Variants in UNC13C observed in about 807,000 individuals in gnomAD.
UNC13C encodes unc-13 homolog C, also known as protein unc-13 homolog C.
UNC13C carries 174 observed loss-of-function variants against 245.4 expected under a neutral mutation model. The observed-to-expected ratio is 0.71, with a 90% CI of 0.63 to 0.80. The LOEUF is 0.80. Among genes scored for constraint, UNC13C ranks in the 30% least tolerant of loss-of-function variants. The probability of loss-of-function intolerance (pLI) is 0.00; values close to 1 mark genes in which losing one functional copy is unlikely to be tolerated. For missense variants in UNC13C, 2,829 were observed against 2,602.9 expected, an observed-to-expected ratio of 1.09 and a Z score of -1.89; for synonymous variants, 992 against 895.1, an observed-to-expected ratio of 1.11 and a Z score of -1.93.
At chr15:53,891,388 C>T in the UNC13C span, among the ~76,000 whole-genome samples, 6 of 152,082 alleles carry the variant, frequency 3.9e-5, no homozygotes, top group Non-Finnish European at 7.4e-5. Flanking sequence ...TCCACTTGTT[C>T]CCGAGCTGAG....
intron 13 of UNC13C, among the ~76,000 whole-genome samples, chr15:54,307,530 T>G (rs1567175864): frequency 6.6e-6 from 1 of 151,896 alleles, no homozygotes; most frequent in Non-Finnish European, 1.5e-5. Flanking sequence ...AAAAGATAGC[T>G]CTTGTCTCTA....
intron 2 of UNC13C, among the ~76,000 whole-genome samples, chr15:54,063,789 A>G (rs1566985328): frequency 6.6e-6 from 1 of 152,194 alleles, no homozygotes; most frequent in Non-Finnish European, 1.5e-5. Flanking sequence ...GGAAAATGCT[A>G]ATGGGATATA....
the UNC13C span, among the ~76,000 whole-genome samples, chr15:53,866,010 G>T: frequency 6.6e-6 from 1 of 151,988 alleles, no homozygotes; most frequent in Non-Finnish European, 1.5e-5. Flanking sequence ...AGTCAAGGAA[G>T]ACAGTAGAAT....
the UNC13C span, among the ~76,000 whole-genome samples, chr15:53,877,596 T>G: frequency 6.7e-6 from 1 of 150,208 alleles, no homozygotes; most frequent in Admixed American, 6.6e-5. Context: ...AGAAGGAGAA[T>G]AGGGAGGAGG....
chr15:54,281,778 TA>T (rs1190327041), intron 10 of UNC13C, among the ~76,000 whole-genome samples: 1 of 152,174 alleles, frequency 6.6e-6, no homozygotes, highest in Non-Finnish European at 1.5e-5. Context: ...TTATCACCAT[TA>T]AACAGAAGAC....
chr15:54,103,513 C>A (rs1022650058), intron 2 of UNC13C, among the ~76,000 whole-genome samples: 5 of 152,208 alleles, frequency 3.3e-5, no homozygotes, highest in African/African-American at 1.2e-4. Flanking sequence ...AATAGTATTA[C>A]TTCACTTTTG....
the UNC13C span, among the ~76,000 whole-genome samples, chr15:53,863,820 A>G: frequency 6.6e-6 from 1 of 152,184 alleles, no homozygotes; most frequent in East Asian, 1.9e-4. Context: ...AATTTCCAGC[A>G]TCGACTTCTC....
intron 1 of UNC13C, among the ~76,000 whole-genome samples, 173 bp from the exon 2 acceptor site, chr15:54,012,475 T>A (rs926997527): frequency 2.0e-5 from 3 of 152,232 alleles, no homozygotes; most frequent in Admixed American, 1.3e-4. Context: ...TTGGTAGTGA[T>A]TTGCTTTCAG....
chr15:54,276,769 T>C (rs1197523106), intron 10 of UNC13C, among the ~76,000 whole-genome samples: 5 of 152,084 alleles, frequency 3.3e-5, no homozygotes, highest in Non-Finnish European at 7.4e-5. Flanking sequence ...TTAACATTTT[T>C]CCCCATTAGT....
chr15:53,915,883 A>G, the UNC13C span, among the ~76,000 whole-genome samples: 1 of 152,196 alleles, frequency 6.6e-6, no homozygotes, highest in African/African-American at 2.4e-5. Context: ...ATTAAGGTAC[A>G]TATAGATGCA....
chr15:54,485,330 A>T (rs761509521), intron 19 of UNC13C, among the ~76,000 whole-genome samples: 1 of 152,214 alleles, frequency 6.6e-6, no homozygotes, highest in Non-Finnish European at 1.5e-5. Context: ...AAGGATACAA[A>T]ATTTCAATAA....
At position 54,387,181 on chromosome 15, in the gene UNC13C, C is replaced by A. The variant is rs113003566; in HGVS notation, c.4714-5867C>A. Among the ~76,000 whole-genome samples, 11 of 152,274 alleles carry A rather than the reference C, an allele frequency of 7.2e-5. 3 individuals carry two copies. Among genetic ancestry groups the A allele is most frequent in the African/African-American group, 2.6e-4 (11 of 41,562 alleles). On this transcript the variant is annotated intron_variant, in intron 17 of 32. Transcript: ENST00000260323. Reference sequence around the variant, plus strand: ...AAGCAAAGCAAGTTTATTAGAGCAACAGAGTACAGGAAAATGCCTGCTCCG... The same window carrying A: ...AAGCAAAGCAAGTTTATTAGAGCAAAAGAGTACAGGAAAATGCCTGCTCCG...
intron 17 of UNC13C, among the ~76,000 whole-genome samples, chr15:54,343,934 T>C (rs145847977): frequency 0.013 from 2,038 of 152,286 alleles, 23 homozygotes; most frequent in Non-Finnish European, 0.022. Flanking sequence ...GGATTCTTGC[T>C]GAAGGCAGAC....
rs534855853 is a variant in UNC13C at position 54,287,731 on chromosome 15, G to A, written c.3819-6164G>A. 5.9e-5 allele frequency among the ~76,000 whole-genome samples: 9 copies of A among 152,238 alleles called. No homozygotes were observed. The South Asian group carries it at 8.3e-4, about 14-fold the overall frequency. Reference sequence around the variant, plus strand: ...AATGTCCATCTCTAGTTGCAGGAGAGGTTGGGAAATTGCATAAAACTAAAA... The same window carrying A: ...AATGTCCATCTCTAGTTGCAGGAGAAGTTGGGAAATTGCATAAAACTAAAA... On this transcript the variant is annotated intron_variant, in intron 10 of 32. Transcript: ENST00000260323.
chr15:54,450,394 C>T (rs1891102893), intron 19 of UNC13C, among the ~76,000 whole-genome samples: 1 of 152,244 alleles, frequency 6.6e-6, no homozygotes, highest in African/African-American at 2.4e-5. Flanking sequence ...GCCGGCAGGC[C>T]TCCTTGAGCT....
the UNC13C span, among the ~76,000 whole-genome samples, chr15:53,891,222 G>A: frequency 6.6e-6 from 1 of 152,162 alleles, no homozygotes; most frequent in East Asian, 1.9e-4. Flanking sequence ...ACTGTGTTCT[G>A]AGAGACTGTT....
intron 14 of UNC13C, among the ~76,000 whole-genome samples, chr15:54,325,995 G>A (rs1010057507): frequency 1.3e-5 from 2 of 151,960 alleles, no homozygotes; most frequent in Non-Finnish European, 2.9e-5. Context: ...TCTCAGATGG[G>A]AGAATAAGTG....
At chr15:54,610,851 T>C (rs1900053559) in intron 30 of UNC13C, among the ~76,000 whole-genome samples, 1 of 152,246 alleles carries the variant, frequency 6.6e-6, no homozygotes, top group Non-Finnish European at 1.5e-5. Context: ...CTATTAGGTT[T>C]CATCTCCAAA....
chr15:54,348,524 G>A (rs563407036), intron 17 of UNC13C, among the ~76,000 whole-genome samples: 3 of 152,038 alleles, frequency 2.0e-5, no homozygotes, highest in Non-Finnish European at 4.4e-5. Flanking sequence ...TGTATTAGAC[G>A]GAATGTGATA....
Sources: allele counts gnomAD v4.1 joint callset (sites outside exome capture counted in the v4.1 genomes callset), GRCh38; gene constraint gnomAD v4.1.1; transcripts MANE v1.5; gene names NCBI Gene and HGNC (gene_info 2026-07-23, HGNC 2026-07-21).